LAMP2: variants seen among roughly 807,000 people sequenced by gnomAD.
LAMP2 encodes lysosome associated membrane protein 2.
A neutral mutation model predicts 25.6 loss-of-function variants in LAMP2; 4 were observed. The observed-to-expected ratio is 0.16, with a 90% confidence interval of 0.08 to 0.36. LAMP2 has a LOEUF of 0.36. Ranked by LOEUF, LAMP2 falls within the 10% of genes least tolerant of loss-of-function variation. The probability of loss-of-function intolerance (pLI) is 1.00; values close to 1 mark genes in which losing one functional copy is unlikely to be tolerated. For missense variants in LAMP2, 272 were observed against 301.4 expected (o/e 0.90, Z 0.72); for synonymous variants, 108 against 112.7 (o/e 0.96, Z 0.27).
intron 4 of LAMP2, among the ~76,000 whole-genome samples, chrX:120,448,644 C>A (rs966801183): frequency 2.7e-5 from 3 of 112,248 alleles, no homozygotes; most frequent in African/African-American, 6.5e-5. Context: ...AATCTGATTT[C>A]TAAGCTTTGG....
chrX:120,445,580 C>T (rs371886811), intron 6 of LAMP2, among the ~76,000 whole-genome samples: 11 of 112,469 alleles, frequency 9.8e-5, no homozygotes, highest in African/African-American at 2.9e-4. Context: ...CAGCTATCTT[C>T]TATTCCACCA....
intron 3 of LAMP2, among the ~76,000 whole-genome samples, chrX:120,449,547 G>A (rs1474025891): frequency 2.7e-5 from 3 of 111,949 alleles, no homozygotes; most frequent in South Asian, 3.7e-4. Context: ...CCCGGGAGGC[G>A]GAGGTTGCAG....
At chrX:120,445,924 T>C (rs1042796405) in intron 6 of LAMP2, among the ~76,000 whole-genome samples, 1 of 112,235 alleles carries the variant, frequency 8.9e-6, no homozygotes, top group Non-Finnish European at 1.9e-5. Context: ...TGGCTTCAAA[T>C]AGTATCACAG....
chrX:120,461,677 C>T (rs928876703), intron 1 of LAMP2, among the ~76,000 whole-genome samples: 47 of 111,714 alleles, frequency 4.2e-4, no homozygotes, highest in African/African-American at 1.4e-3. Context: ...GTAGGGGACA[C>T]CATGTGTATT....
rs1388696376 is a variant in LAMP2 at position 120,426,568 on chromosome X, G to A, written c.*4755C>T. ...TTAAGATAGAGCCATGATAACTATT[G>A]AGGAATTAGTGATATTAGTCTCATA... On this transcript the variant is annotated 3_prime_UTR_variant, in exon 9 of 9. Transcript: ENST00000200639. Among the ~76,000 whole-genome samples the A allele has an allele frequency of 9.0e-6, 1 of 111,211 alleles. No homozygotes were observed. The highest frequency in any genetic ancestry group is 1.9e-5 in the Non-Finnish European group (1 of 52,975).
intron 2 of LAMP2, among the ~76,000 whole-genome samples, 189 bp downstream of exon 2, chrX:120,456,462 T>G (rs766740784): frequency 9.0e-6 from 1 of 111,458 alleles, no homozygotes; most frequent in Admixed American, 9.6e-5. Flanking sequence ...CAAGAACCAA[T>G]GAATCAGAAG....
Position 120,426,562 on chromosome X carries a change from A to G in LAMP2, c.*4761T>C, listed in dbSNP as rs891784102. Among the ~76,000 whole-genome samples the G allele has an allele frequency of 9.0e-6, 1 of 111,484 alleles. No homozygotes were observed. The highest frequency in any genetic ancestry group is 1.9e-5 in the Non-Finnish European group (1 of 53,056). ...AATTAATTAAGATAGAGCCATGATA[A>G]CTATTGAGGAATTAGTGATATTAGT... is the stretch of plus-strand genomic sequence containing the variant. On this transcript the variant is annotated 3_prime_UTR_variant, in exon 9 of 9. Transcript: ENST00000200639.
chrX:120,456,937 T>C (rs1921122290), intron 1 of LAMP2, among the ~76,000 whole-genome samples, 168 bp from the exon 2 acceptor site: 1 of 110,978 alleles, frequency 9.0e-6, no homozygotes, highest in African/African-American at 3.3e-5. Flanking sequence ...TATATACATA[T>C]ATGTATGTGT....
chrX:120,443,257 G>A (rs1460999062), intron 6 of LAMP2, among the ~76,000 whole-genome samples: 2 of 112,029 alleles, frequency 1.8e-5, no homozygotes, highest in African/African-American at 6.5e-5. Flanking sequence ...TAAGGGAGGA[G>A]AAAAAGTAAT....
At chrX:120,467,047 G>A (rs185414763) in intron 1 of LAMP2, among the ~76,000 whole-genome samples, 1 of 111,447 alleles carries the variant, frequency 9.0e-6, no homozygotes, top group African/African-American at 3.3e-5. Flanking sequence ...TCACCATGTT[G>A]GTCAGGCTGG....
At chrX:120,455,662 T>A in intron 2 of LAMP2, 92 bp from the exon 3 acceptor site, 1 of 710,079 alleles carries the variant, frequency 1.4e-6, no homozygotes, top group East Asian at 3.3e-5. Flanking sequence ...GCCTAAATCA[T>A]ACATTCTCCA....
chrX:120,457,379 T>C (rs188392832), intron 1 of LAMP2, among the ~76,000 whole-genome samples: 2 of 112,292 alleles, frequency 1.8e-5, no homozygotes, highest in Admixed American at 1.9e-4. Flanking sequence ...TGTGATCAGA[T>C]ACTCTTTCTA....
intron 8 of LAMP2, among the ~76,000 whole-genome samples, chrX:120,440,923 A>T (rs2058569059): frequency 8.9e-6 from 1 of 112,263 alleles, no homozygotes; most frequent in Non-Finnish European, 1.9e-5. Context: ...AATGGCTCAC[A>T]GTATATTCGC....
rs766242930 is a variant in LAMP2, at chrX:120,442,975, G to C, written c.865-313C>G. On this transcript the variant is annotated intron_variant, in intron 6 of 8. Coordinates refer to ENST00000200639, the MANE Select transcript of LAMP2 (RefSeq NM_002294.3). ...ACCACCTCTAGCCTGGATCACAGCA[G>C]CCTCTTAAGTGGGCTCCCTGCCTTT... Among the ~76,000 whole-genome samples, 4 of 111,473 alleles carry C rather than the reference G, an allele frequency of 3.6e-5. No individual in the cohort carries two copies. In the East Asian group the frequency reaches 1.1e-3, roughly 31 times the overall value.
In LAMP2 at chrX:120,429,075, CAT is replaced by C. The variant is rs1359439180; in HGVS notation, c.*2246_*2247del. 2 of 495,281 alleles carry C rather than the reference CAT, an allele frequency of 4.0e-6. No individual in the cohort carries two copies. The highest frequency in any genetic ancestry group is 4.9e-6 in the Non-Finnish European group (2 of 408,496). The allele number at this position is 495,281 out of a possible 1,213,427, so 40.8% of individuals were successfully genotyped here. On this transcript the variant is annotated 3_prime_UTR_variant, in exon 9 of 9. Coordinates refer to ENST00000200639, the MANE Select transcript of LAMP2 (RefSeq NM_002294.3). The stretch of plus-strand genomic sequence containing the variant: ...GGATCAAGAATGTAGTATATATATA[CAT>C]ATATATGTGTGTGTATATATATGTG...
In LAMP2 at chrX:120,456,676, C is replaced by A. The variant is rs397516735; in HGVS notation, c.158G>T (p.Arg53Leu). 2.6e-6 allele frequency: 3 copies of A among 1,143,678 alleles called. No individual in the cohort carries two copies. Among genetic ancestry groups the A allele is most frequent in the Non-Finnish European group, 3.6e-6 (3 of 839,502 alleles). The allele number at this position is 1,143,678 out of a possible 1,213,427, so 94.3% of individuals were successfully genotyped here. Residue 53 changes from arginine (R) to leucine (L), a missense_variant, in exon 2 of 9, where the codon CGC (arginine) becomes CTC (leucine). Coordinates refer to ENST00000200639, the MANE Select transcript of LAMP2 (RefSeq NM_002294.3). ...YAKWQMNFTVRYETTNKTYKT... is the reference protein window; with the variant it reads ...YAKWQMNFTVLYETTNKTYKT... ...ATAAGTTTTATTTGTAGTTTCATAGCGTACTGTGAAATTCATCTGCCATTT... is the reference window on the plus strand; with the variant it reads ...ATAAGTTTTATTTGTAGTTTCATAGAGTACTGTGAAATTCATCTGCCATTT...
intron 8 of LAMP2, among the ~76,000 whole-genome samples, chrX:120,436,113 G>T (rs943455837): frequency 3.9e-5 from 4 of 101,429 alleles, no homozygotes; most frequent in Admixed American, 2.2e-4. Context: ...TATGCATCAG[G>T]TTCAGCAGGG....
chrX:120,448,036 C>G lies in LAMP2; in HGVS notation c.557-11G>C, dbSNP rs1168977589. 2.5e-6 allele frequency: 3 copies of G among 1,204,533 alleles called. No homozygotes were observed. In the East Asian group the frequency reaches 8.9e-5, roughly 36 times the overall value. ...TATCACACAGGAACTCTAAAACAAG[C>G]GAAAAGGGACAAAAGAAACCAAAGC... On this transcript the variant is annotated splice_polypyrimidine_tract_variant and intron_variant, in intron 4 of 8. Transcript: ENST00000200639.
Position 120,460,606 on chromosome X carries a change from A to G in LAMP2, c.65-3837T>C, listed in dbSNP as rs1346708060. On this transcript the variant is annotated intron_variant, in intron 1 of 8. Transcript: ENST00000200639. The stretch of plus-strand genomic sequence containing the variant: ...ATTTTAGGTTTTGTGAGATTCACCC[A>G]TGTTATGCATAATTGCAGTCTGTGC... 4.5e-5 allele frequency among the ~76,000 whole-genome samples: 5 copies of G among 112,334 alleles called. No individual in the cohort carries two copies. In the East Asian group the frequency reaches 1.1e-3, roughly 25 times the overall value.
Sources: allele counts gnomAD v4.1 joint callset (sites outside exome capture counted in the v4.1 genomes callset), GRCh38; gene constraint gnomAD v4.1.1; transcripts MANE v1.5; gene names NCBI Gene and HGNC (gene_info 2026-07-23, HGNC 2026-07-21).